GRIK2: variants seen among roughly 807,000 people sequenced by gnomAD.
GRIK2 encodes the protein glutamate ionotropic receptor kainate type subunit 2, also known as glutamate receptor ionotropic, kainate 2.
GRIK2 carries 32 observed loss-of-function variants against 100.3 expected under a neutral mutation model. The ratio of observed to expected loss-of-function variants is 0.32; its 90% CI spans 0.24 to 0.43. GRIK2 has a LOEUF of 0.43. GRIK2 is among the 20% of genes least tolerant of loss of function. The probability of loss-of-function intolerance (pLI) is 1.00; values close to 1 mark genes in which losing one functional copy is unlikely to be tolerated. For synonymous variants in GRIK2, 417 were observed against 389.4 expected, an observed-to-expected ratio of 1.07 and a Z score of -0.83; for missense variants, 843 against 1,114.9, an observed-to-expected ratio of 0.76 and a Z score of 3.47.
intron 7 of GRIK2, among the ~76,000 whole-genome samples, chr6:101,771,695 A>G (rs1299567914): frequency 2.7e-5 from 2 of 75,222 alleles, no homozygotes; most frequent in Non-Finnish European, 2.4e-5. Context: ...CCCCCACCCC[A>G]CAACAGTCCC....
chr6:101,691,384 G>A (rs1472648321), intron 7 of GRIK2, among the ~76,000 whole-genome samples: 1 of 149,144 alleles, frequency 6.7e-6, no homozygotes, highest in Non-Finnish European at 1.5e-5. Flanking sequence ...TGCAACCTCT[G>A]CCTCCCCAGA....
At chr6:101,619,742 G>A (rs1014735002) in intron 2 of GRIK2, among the ~76,000 whole-genome samples, 1 of 151,818 alleles carries the variant, frequency 6.6e-6, no homozygotes. Flanking sequence ...TACATTTTTA[G>A]TTACGTCTTA....
intron 10 of GRIK2, among the ~76,000 whole-genome samples, chr6:101,859,028 T>A (rs551607618): frequency 6.6e-6 from 1 of 152,104 alleles, no homozygotes. Context: ...GCATAAGATA[T>A]AAGATATACC....
chr6:101,426,942 C>T (rs1769056721), intron 2 of GRIK2, among the ~76,000 whole-genome samples: 1 of 152,038 alleles, frequency 6.6e-6, no homozygotes, highest in African/African-American at 2.4e-5. Flanking sequence ...CTTTAAAGGC[C>T]TAGTTTAAGG....
At chr6:101,758,924 A>C (rs1211546950) in intron 7 of GRIK2, among the ~76,000 whole-genome samples, 1 of 152,146 alleles carries the variant, frequency 6.6e-6, no homozygotes, top group East Asian at 1.9e-4. Flanking sequence ...CAAAAGAGTA[A>C]AACTATACTA....
chr6:101,551,671 C>T (rs1030675667), intron 2 of GRIK2, among the ~76,000 whole-genome samples: 2 of 152,124 alleles, frequency 1.3e-5, no homozygotes, highest in African/African-American at 4.8e-5. Flanking sequence ...GACAAAGCCT[C>T]TGCCCCTATA....
At chr6:101,790,104 G>C (rs938729726) in intron 7 of GRIK2, among the ~76,000 whole-genome samples, 1 of 152,098 alleles carries the variant, frequency 6.6e-6, no homozygotes, top group Non-Finnish European at 1.5e-5. Context: ...AGGAGATATC[G>C]GGCTGAGACA....
At chr6:101,772,735 A>C (rs1778486110) in intron 7 of GRIK2, among the ~76,000 whole-genome samples, 2 of 139,320 alleles carry the variant, frequency 1.4e-5, no homozygotes, top group Non-Finnish European at 3.0e-5. Context: ...TTATTTTTTG[A>C]AGCTATTGAT....
At chr6:102,006,381 TATATATA>T (rs1447752656) in intron 14 of GRIK2, among the ~76,000 whole-genome samples, 4 of 115,480 alleles carry the variant, frequency 3.5e-5, no homozygotes, top group African/African-American at 1.9e-4. Context: ...TATATATATA[TATATATA>T]TATTTTTTTT....
chr6:101,729,464 T>C (rs1167948879), intron 7 of GRIK2, among the ~76,000 whole-genome samples: 1 of 151,974 alleles, frequency 6.6e-6, no homozygotes, highest in Admixed American at 6.6e-5. Flanking sequence ...GTATAGAACG[T>C]ACTAATTATG....
At chr6:101,855,102 GA>G (rs1784356207) in intron 10 of GRIK2, among the ~76,000 whole-genome samples, 2 of 152,138 alleles carry the variant, frequency 1.3e-5, no homozygotes, top group Non-Finnish European at 1.5e-5. Context: ...GAATCTGGGA[GA>G]AAACAGGATA....
intron 7 of GRIK2, among the ~76,000 whole-genome samples, chr6:101,754,174 T>C (rs1776978126): frequency 6.6e-6 from 1 of 152,160 alleles, no homozygotes; most frequent in African/African-American, 2.4e-5. Context: ...TTATCTTCTT[T>C]TATTATGTAT....
At chr6:101,610,352 T>G (rs1330985568) in intron 2 of GRIK2, among the ~76,000 whole-genome samples, 1 of 151,816 alleles carries the variant, frequency 6.6e-6, no homozygotes, top group African/African-American at 2.4e-5. Flanking sequence ...TTGCTAGCCA[T>G]CTTTTAAATT....
intron 7 of GRIK2, among the ~76,000 whole-genome samples, chr6:101,694,607 C>T (rs1019785682): frequency 6.6e-6 from 1 of 151,978 alleles, no homozygotes; most frequent in Non-Finnish European, 1.5e-5. Flanking sequence ...CAGCAAAGTT[C>T]TGGCTAAGGA....
At chr6:101,502,345 G>T (rs551750199) in intron 2 of GRIK2, among the ~76,000 whole-genome samples, 1 of 152,056 alleles carries the variant, frequency 6.6e-6, no homozygotes, top group South Asian at 2.1e-4. Context: ...ACACAAAGAT[G>T]TTCATTTGAG....
chr6:102,031,054 A>G (rs946728487), intron 14 of GRIK2, among the ~76,000 whole-genome samples: 4 of 148,074 alleles, frequency 2.7e-5, no homozygotes, highest in Non-Finnish European at 4.5e-5. Context: ...TTATATTTCA[A>G]TAATTACCAA....
intron 2 of GRIK2, among the ~76,000 whole-genome samples, chr6:101,403,498 A>G (rs1775436383): frequency 6.6e-6 from 1 of 152,242 alleles, no homozygotes; most frequent in Admixed American, 6.5e-5. Flanking sequence ...GAAGGTGAAC[A>G]CAGCCAGTTT....
intron 2 of GRIK2, among the ~76,000 whole-genome samples, chr6:101,557,918 C>T (rs1017302764): frequency 1.4e-4 from 22 of 152,082 alleles, no homozygotes; most frequent in Non-Finnish European, 2.9e-4. Context: ...TTTAAAATTC[C>T]TTCCCTTATT....
chr6:101,890,323 A>G (rs932922946), intron 12 of GRIK2: 1 of 153,162 alleles, frequency 6.5e-6, no homozygotes, highest in African/African-American at 2.4e-5. Flanking sequence ...CTACCTTAGT[A>G]TTCTACATAA....
Sources: gnomAD v4.1 joint callset for allele counts (sites outside exome capture counted in the v4.1 genomes callset) on GRCh38, gnomAD v4.1.1 for gene constraint, MANE v1.5 for transcripts, NCBI Gene and HGNC (gene_info 2026-07-23, HGNC 2026-07-21) for gene names.